Variants in ATP8A2 observed in about 807,000 individuals in gnomAD.
ATP8A2 encodes ATPase phospholipid transporting 8A2.
A neutral mutation model predicts 165.6 loss-of-function variants in ATP8A2; 100 were observed. The observed-to-expected ratio is 0.60, with a 90% CI of 0.51 to 0.71. The LOEUF (loss-of-function observed/expected upper bound fraction) is 0.71, where lower values mean the gene tolerates loss of function less well. Ranked by LOEUF, ATP8A2 falls within the 30% of genes least tolerant of loss-of-function variation. The probability of loss-of-function intolerance (pLI) is 0.00; values close to 1 mark genes in which losing one functional copy is unlikely to be tolerated. For missense variants in ATP8A2, 1,227 were observed against 1,479.5 expected (o/e 0.83, Z 2.80); for synonymous variants, 543 against 548.8 (o/e 0.99, Z 0.15).
chr13:25,826,510 G>T (rs935158872), intron 27 of ATP8A2, among the ~76,000 whole-genome samples: 5 of 152,156 alleles, frequency 3.3e-5, no homozygotes, highest in Non-Finnish European at 5.9e-5. Flanking sequence ...AAGAATTCCT[G>T]CTTCAAGAAA....
chr13:25,949,703 G>A (rs1955302068), intron 33 of ATP8A2, among the ~76,000 whole-genome samples: 1 of 152,174 alleles, frequency 6.6e-6, no homozygotes, highest in Non-Finnish European at 1.5e-5. Flanking sequence ...GGCTCCAGCT[G>A]GACAATTGCC....
chr13:25,517,265 A>G (rs1019925912), intron 2 of ATP8A2: 1 of 152,048 alleles, frequency 6.6e-6, no homozygotes, highest in African/African-American at 2.4e-5. Flanking sequence ...ACTTGGGTAA[A>G]ACCTGCTTTT....
intron 2 of ATP8A2, among the ~76,000 whole-genome samples, chr13:25,482,620 C>G (rs568023971): frequency 2.0e-5 from 3 of 152,220 alleles, no homozygotes; most frequent in South Asian, 2.1e-4. Context: ...GGTCCCTACC[C>G]AAATCTCATC....
intron 24 of ATP8A2, among the ~76,000 whole-genome samples, chr13:25,595,719 T>G (rs2040219673): frequency 6.6e-6 from 1 of 152,184 alleles, no homozygotes; most frequent in African/African-American, 2.4e-5. Context: ...GTAGTCTCTT[T>G]GTTTATCCTC....
At chr13:25,396,891 C>T (rs1208904284) in intron 1 of ATP8A2, among the ~76,000 whole-genome samples, 3 of 152,204 alleles carry the variant, frequency 2.0e-5, no homozygotes, top group Non-Finnish European at 2.9e-5. Flanking sequence ...ACACAGCAAG[C>T]TTTCAGCAAA....
Position 26,023,055 on chromosome 13 carries a change from G to A in ATP8A2, c.*3070G>A, listed in dbSNP as rs957414196. The A allele has an allele frequency of 6.6e-6, 1 of 152,226 alleles. No homozygotes were observed. The highest frequency in any genetic ancestry group is 2.4e-5 in the African/African-American group (1 of 41,448). The allele number at this position is 152,226 out of a possible 1,614,324, so 9.4% of individuals were successfully genotyped here. A position where few individuals can be genotyped will look rare whatever the true frequency, so the allele number is the denominator to read the frequency against. The stretch of plus-strand genomic sequence containing the variant: ...TGCACACTGACACGTGCCAGCAAGG[G>A]TAGCTGTGGAAAACACGTATCAGGA... On this transcript the variant is annotated 3_prime_UTR_variant, in exon 37 of 37. Transcript: ENST00000381655.
chr13:26,019,279 C>G (rs904030664), intron 36 of ATP8A2, among the ~76,000 whole-genome samples: 21 of 152,236 alleles, frequency 1.4e-4, no homozygotes, highest in Middle Eastern at 6.8e-3. Context: ...TGCCTGTAGC[C>G]CTAGCTACTC....
chr13:25,467,998 G>A lies in ATP8A2; in HGVS notation c.77-979G>A, dbSNP rs73170518. On this transcript the variant is annotated intron_variant, in intron 1 of 36. Coordinates refer to ENST00000381655, the MANE Select transcript of ATP8A2 (RefSeq NM_016529.6). The stretch of plus-strand genomic sequence containing the variant: ...AATTTTTCTGTGATCCTTTATCTCA[G>A]ACGCCTCTCCTCTGAAGGTCACTGC... Among the ~76,000 whole-genome samples, 1,093 of 152,294 alleles carry A rather than the reference G, an allele frequency of 7.2e-3. 2 individuals are homozygous for A. The highest frequency in any genetic ancestry group is 0.012 in the Non-Finnish European group (794 of 68,032).
At chr13:25,937,217 A>AC (rs1451552032) in intron 33 of ATP8A2, among the ~76,000 whole-genome samples, 2 of 152,194 alleles carry the variant, frequency 1.3e-5, no homozygotes, top group Admixed American at 6.5e-5. Context: ...CCATACAAAA[A>AC]CGCAAGTAAA....
intron 1 of ATP8A2, among the ~76,000 whole-genome samples, chr13:25,438,991 A>G (rs1002118430): frequency 2.6e-5 from 4 of 152,214 alleles, no homozygotes; most frequent in African/African-American, 9.6e-5. Flanking sequence ...GAAAGGAGGC[A>G]TGATCCCTCA....
At chr13:25,814,524 A>C (rs1419957177) in intron 27 of ATP8A2, among the ~76,000 whole-genome samples, 1 of 151,922 alleles carries the variant, frequency 6.6e-6, no homozygotes, top group Non-Finnish European at 1.5e-5. Flanking sequence ...ATAAAGACAG[A>C]TACGTAGACC....
chr13:25,561,684 CTAAA>C (rs2039160206), intron 15 of ATP8A2, among the ~76,000 whole-genome samples: 1 of 152,138 alleles, frequency 6.6e-6, no homozygotes, highest in Non-Finnish European at 1.5e-5. Flanking sequence ...TTCAGTTGCA[CTAAA>C]TAGATTCATA....
chr13:25,611,760 G>C (rs115533167), intron 24 of ATP8A2, among the ~76,000 whole-genome samples: 15 of 151,984 alleles, frequency 9.9e-5, no homozygotes, highest in Non-Finnish European at 1.6e-4. Context: ...AATATATCTG[G>C]TCCTGGGCTT....
intron 35 of ATP8A2, 110 bp from the exon 36 acceptor site, chr13:26,012,421 C>G (rs1593713874): frequency 1.2e-6 from 1 of 841,020 alleles, no homozygotes; most frequent in Non-Finnish European, 1.9e-6. Flanking sequence ...CCACGCCTTA[C>G]CCGACGTGGG....
At chr13:25,698,396 T>A (rs1351986804) in intron 24 of ATP8A2, among the ~76,000 whole-genome samples, 1 of 152,094 alleles carries the variant, frequency 6.6e-6, no homozygotes, top group Non-Finnish European at 1.5e-5. Context: ...CATGCCTGGA[T>A]AATTTTTTAG....
Position 25,378,340 on chromosome 13 carries a change from T to C in ATP8A2, c.76+6052T>C, listed in dbSNP as rs546176387. Among the ~76,000 whole-genome samples, 258 of 129,648 alleles carry C rather than the reference T, an allele frequency of 2.0e-3. 2 individuals carry two copies. In the East Asian group the frequency reaches 0.033, roughly 16 times the overall value. The allele number at this position is 129,648 out of a possible 152,430, so 85.1% of individuals were successfully genotyped here. A position where few individuals can be genotyped will look rare whatever the true frequency, so the allele number is the denominator to read the frequency against. On this transcript the variant is annotated intron_variant, in intron 1 of 36. Coordinates refer to ENST00000381655, the MANE Select transcript of ATP8A2 (RefSeq NM_016529.6). Reference sequence around the variant, plus strand: ...TAATCCTCATTAACTCTGTTTTTTTTCCAGAGTTTTGCATTTTTTTTTTTG... The same window carrying C: ...TAATCCTCATTAACTCTGTTTTTTTCCCAGAGTTTTGCATTTTTTTTTTTG...
intron 24 of ATP8A2, among the ~76,000 whole-genome samples, chr13:25,610,883 CTTTTT>C (rs56730760): frequency 8.3e-6 from 1 of 120,680 alleles, no homozygotes; most frequent in Non-Finnish European, 1.7e-5. Context: ...AGGTATATTC[CTTTTT>C]TTTTTTTTTT....
At chr13:25,761,684 G>GTA (rs1491230062) in intron 25 of ATP8A2, among the ~76,000 whole-genome samples, 6 of 149,800 alleles carry the variant, frequency 4.0e-5, no homozygotes, top group African/African-American at 7.4e-5. Context: ...ATATGATAAG[G>GTA]TATATATATA....
At chr13:25,872,449 A>G (rs985946432) in intron 33 of ATP8A2, among the ~76,000 whole-genome samples, 12 of 152,124 alleles carry the variant, frequency 7.9e-5, no homozygotes, top group African/African-American at 2.7e-4. Context: ...GACCTGTTAG[A>G]TATTGTCGTT....
Sources: gnomAD v4.1 joint callset for allele counts (sites outside exome capture counted in the v4.1 genomes callset) on GRCh38, gnomAD v4.1.1 for gene constraint, MANE v1.5 for transcripts, NCBI Gene and HGNC (gene_info 2026-07-23, HGNC 2026-07-21) for gene names.